The following NOC4L variants were observed in gnomAD, a reference collection of about 807,000 sequenced individuals.
NOC4L encodes nucleolar complex protein 4 homolog.
A neutral mutation model predicts 62.8 loss-of-function variants in NOC4L; 40 were observed. The observed-to-expected ratio is 0.64, with a 90% CI of 0.49 to 0.83. The LOEUF is 0.83. Ranked by LOEUF, NOC4L falls within the 40% of genes least tolerant of loss-of-function variation. NOC4L has a pLI of 0.00. For synonymous variants in NOC4L, 433 were observed against 299.8 expected, an observed-to-expected ratio of 1.44 and a Z score of -4.59; for missense variants, 927 against 701.9, an observed-to-expected ratio of 1.32 and a Z score of -3.62.
chr12:132,147,374 C>A lies in NOC4L; in HGVS notation c.439C>A (p.Arg147=). The A allele has an allele frequency of 1.3e-6, 2 of 1,593,046 alleles. No homozygotes were observed. The highest frequency in any genetic ancestry group is 4.5e-5 in the East Asian group (2 of 43,972). The change falls in exon 4 of 15, where the codon CGA becomes AGA. Residue 147 remains arginine (R), a synonymous_variant. Transcript: ENST00000330579. ...GTGGGAAGGCAACTACCTGTTCCCC[C>A]GAGAGCTCTTCAAGGTGAGGGCCTT... is the stretch of plus-strand genomic sequence containing the variant. The part of the protein sequence containing the change: ...SKWEGNYLFP[R]ELFKLVVGGL...
At chr12:132,145,717 C>A in intron 3 of NOC4L, 52 bp downstream of exon 3, 1 of 1,289,994 alleles carries the variant, frequency 7.8e-7, no homozygotes, top group South Asian at 1.3e-5. Flanking sequence ...CCCCAACTCC[C>A]AGGTTATCCA....
At chr12:132,148,422 C>G (rs950273382) in intron 7 of NOC4L, among the ~76,000 whole-genome samples, 187 bp from the exon 8 acceptor site, 13 of 152,210 alleles carry the variant, frequency 8.5e-5, no homozygotes, top group African/African-American at 3.1e-4. Context: ...CTTGGCTGTT[C>G]TGAGACTCCA....
chr12:132,145,522 G>C, intron 2 of NOC4L, 37 bp from the exon 3 acceptor site: 1 of 1,409,978 alleles, frequency 7.1e-7, no homozygotes, highest in Non-Finnish European at 9.9e-7. Context: ...GGCGTATGTG[G>C]GCCTCACGTG....
chr12:132,147,287 G>A lies in NOC4L; in HGVS notation c.352G>A (p.Ala118Thr). The A allele has an allele frequency of 3.2e-6, 5 of 1,546,406 alleles. No homozygotes were observed. Among genetic ancestry groups the A allele is most frequent in the Non-Finnish European group, 3.5e-6 (4 of 1,145,900 alleles). Residue 118 changes from alanine to threonine, a missense_variant, in exon 4 of 15, where the codon GCC (alanine) becomes ACC (threonine). Physicochemically the swap from Ala to Thr is moderately conservative, Grantham distance 58 (BLOSUM62 0). Coordinates refer to ENST00000330579, the MANE Select transcript of NOC4L (RefSeq NM_024078.3). Reference protein sequence around the residue: ...GHPSFQVKELALSALLKFVQL... With the variant: ...GHPSFQVKELTLSALLKFVQL... ...TGCACTGCCCCCTTCCCAGGAGCTG[G>A]CCCTCAGCGCACTCCTGAAGTTCGT... is the stretch of plus-strand genomic sequence containing the variant.
intron 4 of NOC4L, 108 bp from the exon 5 acceptor site, chr12:132,147,525 C>T (rs531373222): frequency 1.3e-6 from 2 of 1,488,346 alleles, no homozygotes; most frequent in Admixed American, 4.2e-5. Context: ...GTGGCCCACC[C>T]AACCAGGAGG....
chr12:132,146,280 C>A (rs947336674), intron 3 of NOC4L: 7 of 455,918 alleles, frequency 1.5e-5, no homozygotes, highest in Non-Finnish European at 2.6e-5. Context: ...GTGGCTTCTT[C>A]CACTCATCGG....
chr12:132,151,491 C>G lies in NOC4L; in HGVS notation c.1081C>G (p.Pro361Ala). ...AACCACTGCCCTGCCCAGCCACCTCCCCGCCTACCTGGTGGCCGCCTTCGC... is the reference window on the plus strand; with the variant it reads ...AACCACTGCCCTGCCCAGCCACCTCGCCGCCTACCTGGTGGCCGCCTTCGC... ...ADLFLSSSHL[P>A]AYLVAAFAKR... The change falls in exon 12 of 15, where the codon CCC becomes GCC. Residue 361 changes from proline (P) to alanine (A), a missense_variant. Pro to Ala is a conservative substitution (Grantham distance 27). Coordinates refer to ENST00000330579, the MANE Select transcript of NOC4L (RefSeq NM_024078.3). The G allele has an allele frequency of 6.2e-7, 1 of 1,602,668 alleles. No homozygotes were observed. Among genetic ancestry groups the G allele is most frequent in the Non-Finnish European group, 8.5e-7 (1 of 1,179,168 alleles).
intron 2 of NOC4L, 119 bp downstream of exon 2, chr12:132,145,093 G>C: frequency 1.5e-6 from 2 of 1,345,478 alleles, no homozygotes; most frequent in Non-Finnish European, 2.0e-6. Flanking sequence ...GTGGGAGGAC[G>C]CACCAAGCCC....
In NOC4L at chr12:132,151,663, G is replaced by A. The variant is rs201981873; in HGVS notation, c.1234+19G>A. On this transcript the variant is annotated intron_variant, in intron 12 of 14. Transcript: ENST00000330579. Reference sequence around the variant, plus strand: ...GGCCCTGGTGAGTTGCGGGGCCCTCGGAGGCTGGGCTGGAGCTGGGGCGGG... The same window carrying A: ...GGCCCTGGTGAGTTGCGGGGCCCTCAGAGGCTGGGCTGGAGCTGGGGCGGG... 6.7e-5 allele frequency: 108 copies of A among 1,611,438 alleles called. No homozygotes were observed. The East Asian group carries it at 8.9e-4, about 13-fold the overall frequency.
Position 132,147,766 on chromosome 12 carries a change from C to G in NOC4L, c.587C>G (p.Thr196Ser), listed in dbSNP as rs769356870. 4 of 1,612,728 alleles carry G rather than the reference C, an allele frequency of 2.5e-6. No individual in the cohort carries two copies. The South Asian group carries it at 4.4e-5, about 18-fold the overall frequency. Residue 196 changes from threonine (T) to serine (S), a missense_variant, in exon 5 of 15, where the codon ACT (threonine) becomes AGT (serine). Thr to Ser is a moderately conservative substitution (Grantham distance 58, BLOSUM62 1). Transcript: ENST00000330579. ...GCCGTGGATGCCGTGGCCCGGGTCA[C>G]TGGCCAGCACCCCGAGGTGGGTGAT... The part of the protein sequence containing the change: ...QAAVDAVARV[T>S]GQHPEVPPAF...
intron 10 of NOC4L, 36 bp downstream of exon 10, chr12:132,151,077 T>C: frequency 6.3e-7 from 1 of 1,579,832 alleles, no homozygotes. Context: ...TTCTTCCCAG[T>C]CTGCCCAGCC....
In NOC4L at chr12:132,148,595, G is replaced by A. The variant is rs1897814977; in HGVS notation, c.739-14G>A. 8 of 1,549,712 alleles carry A rather than the reference G, an allele frequency of 5.2e-6. No individual in the cohort carries two copies. The highest frequency in any genetic ancestry group is 7.0e-6 in the Non-Finnish European group (8 of 1,146,356). ...GTGGGGAGGGCGGCGAGTGCAGTCT[G>A]GACCCCGTTGCAGGAGCACAGGAGG... On this transcript the variant is annotated splice_polypyrimidine_tract_variant and intron_variant, in intron 7 of 14. Coordinates refer to ENST00000330579, the MANE Select transcript of NOC4L (RefSeq NM_024078.3).
Position 132,151,598 on chromosome 12 carries a change from C to T in NOC4L, c.1188C>T (p.Arg396=). The stretch of plus-strand genomic sequence containing the variant: ...TGCCTTTCATCTGTAACCTGCTGCG[C>T]CGGCACCCTGCCTGCCGGGTCCTCG... ...MVLPFICNLL[R]RHPACRVLVH... is the part of the protein sequence containing the mutation. The change falls in exon 12 of 15, where the codon CGC becomes CGT. Residue 396 remains arginine (R), a synonymous_variant. Coordinates refer to ENST00000330579, the MANE Select transcript of NOC4L (RefSeq NM_024078.3). The T allele has an allele frequency of 6.8e-6, 11 of 1,611,550 alleles. No homozygotes were observed. The highest frequency in any genetic ancestry group is 9.3e-6 in the Non-Finnish European group (11 of 1,179,518).
At chr12:132,151,067 T>G (rs1897919789) in intron 10 of NOC4L, 26 bp downstream of exon 10, 2 of 1,597,788 alleles carry the variant, frequency 1.3e-6, no homozygotes, top group African/African-American at 1.3e-5. Flanking sequence ...GGTGCAGGTC[T>G]TCTTCCCAGT....
Position 132,146,241 on chromosome 12 carries a change from C to T in NOC4L, c.345+576C>T, listed in dbSNP as rs116018700. ...GATCAATGGGTTTGCTTTTTTTAGA[C>T]GCTCCTCATAAGGGGGATCATACGG... is the stretch of plus-strand genomic sequence containing the variant. On this transcript the variant is annotated intron_variant, in intron 3 of 14. Coordinates refer to ENST00000330579, the MANE Select transcript of NOC4L (RefSeq NM_024078.3). 1.1e-3 allele frequency: 481 copies of T among 455,770 alleles called. 3 individuals carry two copies. The highest frequency in any genetic ancestry group is 7.8e-3 in the African/African-American group (390 of 50,158). 28.2% of individuals were successfully genotyped at this position (455,770 alleles called of 1,614,324 possible).
Position 132,152,430 on chromosome 12 carries a change from C to T in NOC4L, c.*29C>T. 1.3e-6 allele frequency: 2 copies of T among 1,555,624 alleles called. No homozygotes were observed. The highest frequency in any genetic ancestry group is 1.7e-6 in the Non-Finnish European group (2 of 1,146,072). ...TGGCCCACCTGTGAATAAATCTCAG[C>T]TGACCCCAGCCCACCTGTGAATAAA... On this transcript the variant is annotated 3_prime_UTR_variant, in exon 15 of 15. Transcript: ENST00000330579.
chr12:132,148,589 C>G lies in NOC4L; in HGVS notation c.739-20C>G. ...TCTGGGGTGGGGAGGGCGGCGAGTG[C>G]AGTCTGGACCCCGTTGCAGGAGCAC... is the stretch of plus-strand genomic sequence containing the variant. On this transcript the variant is annotated intron_variant, in intron 7 of 14. Coordinates refer to ENST00000330579, the MANE Select transcript of NOC4L (RefSeq NM_024078.3). The G allele has an allele frequency of 6.5e-7, 1 of 1,548,968 alleles. No homozygotes were observed. Among genetic ancestry groups the G allele is most frequent in the African/African-American group, 1.4e-5 (1 of 72,896 alleles).
chr12:132,147,850 G>A (rs901327119), intron 5 of NOC4L, 30 bp from the exon 6 acceptor site: 8 of 1,609,568 alleles, frequency 5.0e-6, no homozygotes, highest in Admixed American at 3.3e-5. Context: ...CTGGGGGGCG[G>A]CGTCCAGGCA....
Position 132,151,750 on chromosome 12 carries a change from A to C in NOC4L, c.1247A>C (p.Asp416Ala). 6.2e-7 allele frequency: 1 copy of C among 1,611,848 alleles called. No homozygotes were observed. Among genetic ancestry groups the C allele is most frequent in the Middle Eastern group, 1.7e-4 (1 of 6,058 alleles). Residue 416 changes from aspartate (D) to alanine (A), a missense_variant, in exon 13 of 15, where the codon GAC becomes GCC. By Grantham distance (126) the Asp-to-Ala change is moderately radical. Coordinates refer to ENST00000330579, the MANE Select transcript of NOC4L (RefSeq NM_024078.3). ...GTCTCATTCCTAGAGTTGGACGCCGACCCCTACGACCCTGGAGAGGAGGAC... is the reference window on the plus strand; with the variant it reads ...GTCTCATTCCTAGAGTTGGACGCCGCCCCCTACGACCCTGGAGAGGAGGAC... ...HRPHGPELDA[D>A]PYDPGEEDPA...
Sources: allele counts gnomAD v4.1 joint callset (sites outside exome capture counted in the v4.1 genomes callset), GRCh38; gene constraint gnomAD v4.1.1; transcripts MANE v1.5; gene names NCBI Gene and HGNC (gene_info 2026-07-23, HGNC 2026-07-21).